THRB: variants seen among roughly 807,000 people sequenced by gnomAD.
THRB encodes nuclear receptor subfamily 1 group A member 2.
THRB carries 12 observed loss-of-function variants against 47.8 expected under a neutral mutation model. That is an observed-to-expected ratio of 0.25 (90% CI 0.16 to 0.41). THRB has a LOEUF of 0.41. Ranked by LOEUF, THRB falls within the 10% of genes least tolerant of loss-of-function variation. The pLI is 1.00. For synonymous variants in THRB, 218 were observed against 212.2 expected (o/e 1.03, Z -0.24); for missense variants, 348 against 589.2 (o/e 0.59, Z 4.24).
chr3:24,378,915 A>G (rs767009082), intron 1 of THRB, among the ~76,000 whole-genome samples: 18 of 152,164 alleles, frequency 1.2e-4, no homozygotes, highest in Non-Finnish European at 2.6e-4. Flanking sequence ...ACTCAAATAT[A>G]ACTGTCTTAA....
intron 4 of THRB, among the ~76,000 whole-genome samples, chr3:24,202,199 A>C (rs1279554154): frequency 2.0e-5 from 3 of 152,220 alleles, no homozygotes; most frequent in Non-Finnish European, 4.4e-5. Context: ...GAGAGGTCAC[A>C]TTCTTGCTCA....
intron 1 of THRB, among the ~76,000 whole-genome samples, chr3:24,367,960 A>C (rs886799316): frequency 2.6e-5 from 4 of 152,188 alleles, no homozygotes; most frequent in African/African-American, 7.2e-5. Context: ...CTTTAAGCCC[A>C]AATCCTTAAA....
intron 2 of THRB, among the ~76,000 whole-genome samples, chr3:24,299,642 TTTC>T (rs1358325959): frequency 1.4e-5 from 2 of 139,076 alleles, no homozygotes; most frequent in Admixed American, 1.6e-4. Flanking sequence ...TCATAAAAAC[TTTC>T]TTTTTTTTTC....
At chr3:24,475,693 A>G (rs1374932597) in intron 1 of THRB, among the ~76,000 whole-genome samples, 1 of 152,194 alleles carries the variant, frequency 6.6e-6, no homozygotes, top group East Asian at 1.9e-4. Flanking sequence ...CGAGAACACC[A>G]GGTATCTCAT....
intron 1 of THRB, among the ~76,000 whole-genome samples, chr3:24,381,055 C>T (rs1045364458): frequency 1.4e-5 from 2 of 147,114 alleles, no homozygotes; most frequent in African/African-American, 5.1e-5. Context: ...GCGGAGGTTG[C>T]AGTGGGCCGA....
intron 3 of THRB, among the ~76,000 whole-genome samples, chr3:24,237,591 G>A (rs926631541): frequency 9.2e-5 from 14 of 151,994 alleles, no homozygotes; most frequent in Non-Finnish European, 1.5e-5. Context: ...AAGTCACCAT[G>A]GCATGTTACA....
chr3:24,148,645 T>C lies in THRB; in HGVS notation c.385-1823A>G, dbSNP rs9864345. Among the ~76,000 whole-genome samples, 1,254 of 152,318 alleles carry C rather than the reference T, an allele frequency of 8.2e-3. 15 individuals are homozygous for C. The highest frequency in any genetic ancestry group is 0.028 in the African/African-American group (1,165 of 41,564). On this transcript the variant is annotated intron_variant, in intron 6 of 10. Coordinates refer to ENST00000646209, the MANE Select transcript of THRB (RefSeq NM_001354712.2). Reference sequence around the variant, plus strand: ...CTAGATAAATGGTGGGAAATATCAGTTGATCTAGATTCAGCCCAAATTTTT... The same window carrying C: ...CTAGATAAATGGTGGGAAATATCAGCTGATCTAGATTCAGCCCAAATTTTT...
At chr3:24,428,837 A>ATGGTTCATT (rs890077040) in intron 1 of THRB, among the ~76,000 whole-genome samples, 1 of 151,788 alleles carries the variant, frequency 6.6e-6, no homozygotes, top group African/African-American at 2.4e-5. Context: ...GATACCTTAA[A>ATGGTTCATT]TGGTTCATTT....
chr3:24,276,014 T>G (rs1479420721), intron 3 of THRB, among the ~76,000 whole-genome samples: 1 of 152,024 alleles, frequency 6.6e-6, no homozygotes, highest in Non-Finnish European at 1.5e-5. Context: ...AAGAAAGAAG[T>G]GTGGGAAATC....
Position 24,309,086 on chromosome 3 carries a change from G to C in THRB, c.-188-11715C>G, listed in dbSNP as rs376196109. On this transcript the variant is annotated intron_variant, in intron 2 of 10. Coordinates refer to ENST00000646209, the MANE Select transcript of THRB (RefSeq NM_001354712.2). ...AGCTGGAATACTGCTTCATCAGAGA[G>C]GCCATCTCTGACCACACAGCGAAAG... is the stretch of plus-strand genomic sequence containing the variant. Among the ~76,000 whole-genome samples, 40 of 152,238 alleles carry C rather than the reference G, an allele frequency of 2.6e-4. 1 individual carries two copies. In the South Asian group the frequency reaches 6.2e-3, roughly 24 times the overall value.
At chr3:24,277,069 C>T (rs2053994616) in intron 3 of THRB, among the ~76,000 whole-genome samples, 1 of 152,188 alleles carries the variant, frequency 6.6e-6, no homozygotes, top group Admixed American at 6.5e-5. Context: ...ATATCTTACA[C>T]TGGTAACAAT....
chr3:24,365,534 A>C (rs2064399136), intron 1 of THRB, among the ~76,000 whole-genome samples: 1 of 152,220 alleles, frequency 6.6e-6, no homozygotes, highest in Admixed American at 6.5e-5. Flanking sequence ...GTAAAGAGCA[A>C]ATCCATTACC....
At chr3:24,416,425 A>G (rs886722207) in intron 1 of THRB, among the ~76,000 whole-genome samples, 1 of 151,864 alleles carries the variant, frequency 6.6e-6, no homozygotes, top group South Asian at 2.1e-4. Context: ...CTTTTCAGGA[A>G]CTGTACTTGT....
At chr3:24,199,244 T>A (rs542928819) in intron 4 of THRB, among the ~76,000 whole-genome samples, 1 of 152,348 alleles carries the variant, frequency 6.6e-6, no homozygotes, top group East Asian at 1.9e-4. Flanking sequence ...CTGAGGCCCA[T>A]GTTCAACTTT....
At chr3:24,206,328 G>A (rs1453827851) in intron 4 of THRB, among the ~76,000 whole-genome samples, 1 of 152,152 alleles carries the variant, frequency 6.6e-6, no homozygotes, top group Non-Finnish European at 1.5e-5. Flanking sequence ...AATCAAATTA[G>A]AACTCAGGAT....
At chr3:24,293,773 G>A (rs979989594) in intron 3 of THRB, among the ~76,000 whole-genome samples, 2 of 152,202 alleles carry the variant, frequency 1.3e-5, no homozygotes, top group African/African-American at 4.8e-5. Flanking sequence ...TCCAGGTTGT[G>A]ATCAGTGCGG....
intron 1 of THRB, among the ~76,000 whole-genome samples, chr3:24,490,534 C>T (rs1275953747): frequency 6.6e-6 from 1 of 152,172 alleles, no homozygotes; most frequent in Non-Finnish European, 1.5e-5. Flanking sequence ...GATGAATAAA[C>T]CCACACATCG....
intron 3 of THRB, among the ~76,000 whole-genome samples, chr3:24,292,508 C>T (rs962396561): frequency 6.6e-6 from 1 of 152,042 alleles, no homozygotes; most frequent in African/African-American, 2.4e-5. Flanking sequence ...GTGCTGGTGC[C>T]GTCCTCTAAG....
At chr3:24,360,220 G>T (rs1026571978) in intron 1 of THRB, among the ~76,000 whole-genome samples, 16 of 152,108 alleles carry the variant, frequency 1.1e-4, no homozygotes, top group Non-Finnish European at 4.4e-5. Context: ...GCACTCCAAG[G>T]GTGGGAATTG....
Sources: allele counts gnomAD v4.1 joint callset (sites outside exome capture counted in the v4.1 genomes callset), GRCh38; gene constraint gnomAD v4.1.1; transcripts MANE v1.5; gene names NCBI Gene and HGNC (gene_info 2026-07-23, HGNC 2026-07-21).